The following SF3A1 variants were observed in gnomAD, a reference collection of about 807,000 sequenced individuals.
The protein encoded by SF3A1 is SAP 114.
In SF3A1, 13 loss-of-function variants were observed where a neutral mutation model predicts 89.9. That is an observed-to-expected ratio of 0.14 (90% CI 0.09 to 0.23). SF3A1 has a LOEUF of 0.23. SF3A1 is among the 10% of genes least tolerant of loss of function. The probability of loss-of-function intolerance (pLI) is 1.00; values close to 1 mark genes in which losing one functional copy is unlikely to be tolerated. For missense variants in SF3A1, 604 were observed against 1,022.1 expected (o/e 0.59, Z 5.58); for synonymous variants, 405 against 374.4 (o/e 1.08, Z -0.94).
At chr22:30,350,304 T>TAAAAAAAAAAAAAAAAAA (rs567383762) in intron 2 of SF3A1, among the ~76,000 whole-genome samples, 2 of 135,168 alleles carry the variant, frequency 1.5e-5, no homozygotes, top group Admixed American at 7.7e-5. Context: ...ACAAAAAAAC[T>TAAAAAAAAAAAAAAAAAA]AAAAAAAATA....
In SF3A1 at chr22:30,337,071, T is replaced by C. The variant is rs148707660; in HGVS notation, c.2061A>G (p.Thr687=). The change falls in exon 13 of 16, where the codon ACA becomes ACG. Residue 687 remains threonine, a synonymous_variant. Coordinates refer to ENST00000215793, the MANE Select transcript of SF3A1 (RefSeq NM_005877.6). Reference sequence around the variant, plus strand: ...CCTCCTCTGGCATGAGGCTGTCCTCTGTCTTCAGTTTTTTGGAGGTGGGCT... The same window carrying C: ...CCTCCTCTGGCATGAGGCTGTCCTCCGTCTTCAGTTTTTTGGAGGTGGGCT... ...EDEPTSKKLK[T]EDSLMPEEEF... The C allele has an allele frequency of 1.9e-6, 3 of 1,614,082 alleles. No homozygotes were observed. In the African/African-American group the frequency reaches 4.0e-5, roughly 22 times the overall value.
chr22:30,333,869 G>C lies in SF3A1; in HGVS notation c.*725C>G, dbSNP rs992438012. 1 of 152,206 alleles carries C rather than the reference G, an allele frequency of 6.6e-6. No individual in the cohort carries two copies. The highest frequency in any genetic ancestry group is 1.5e-5 in the Non-Finnish European group (1 of 68,054). 9.4% of individuals were successfully genotyped at this position (152,206 alleles called of 1,614,324 possible). On this transcript the variant is annotated 3_prime_UTR_variant, in exon 16 of 16. Coordinates refer to ENST00000215793, the MANE Select transcript of SF3A1 (RefSeq NM_005877.6). Reference sequence around the variant, plus strand: ...ACAGAGCCAATCAATCAGGTGATGAGTGATTCCAGGCCAGCAGGAAACCAC... The same window carrying C: ...ACAGAGCCAATCAATCAGGTGATGACTGATTCCAGGCCAGCAGGAAACCAC...
At chr22:30,347,253 T>C (rs1931449203) in intron 2 of SF3A1, among the ~76,000 whole-genome samples, 1 of 152,184 alleles carries the variant, frequency 6.6e-6, no homozygotes, top group South Asian at 2.1e-4. Flanking sequence ...GCTAGAATCG[T>C]GTCACCGTAT....
At chr22:30,345,849 G>A (rs748668151) in intron 3 of SF3A1, among the ~76,000 whole-genome samples, 1 of 152,138 alleles carries the variant, frequency 6.6e-6, no homozygotes, top group Non-Finnish European at 1.5e-5. Context: ...TCAGCACAGG[G>A]AAGGTGGTAT....
chr22:30,340,508 G>T, intron 8 of SF3A1, 127 bp from the exon 9 acceptor site: 1 of 1,019,040 alleles, frequency 9.8e-7, no homozygotes, highest in Non-Finnish European at 1.5e-6. Flanking sequence ...CTGGCACTGT[G>T]AAAGGCACTA....
chr22:30,356,681 C>G (rs1304629341), intron 1 of SF3A1, 49 bp downstream of exon 1: 2 of 1,362,638 alleles, frequency 1.5e-6, no homozygotes, highest in African/African-American at 1.5e-5. Context: ...GAGTAAGGAG[C>G]GCCCAGGCCA....
intron 11 of SF3A1, 80 bp from the exon 12 acceptor site, chr22:30,337,977 T>A (rs775061412): frequency 7.0e-5 from 70 of 995,862 alleles, no homozygotes; most frequent in Non-Finnish European, 1.0e-4. Flanking sequence ...ACTGGCTGCC[T>A]GCAGCTCTGA....
chr22:30,346,175 G>T lies in SF3A1; in HGVS notation c.393+137C>A, dbSNP rs1931412304. 7 of 683,770 alleles carry T rather than the reference G, an allele frequency of 1.0e-5. No individual in the cohort carries two copies. In the East Asian group the frequency reaches 1.8e-4, roughly 17 times the overall value. 42.4% of individuals were successfully genotyped at this position (683,770 alleles called of 1,614,324 possible). ...TACTTTGCTGTCTGGGCCTCGGTCT[G>T]CCTCTGAGAGATGGGGATAACGACC... On this transcript the variant is annotated intron_variant, in intron 3 of 15. Coordinates refer to ENST00000215793, the MANE Select transcript of SF3A1 (RefSeq NM_005877.6).
intron 11 of SF3A1, 112 bp from the exon 12 acceptor site, chr22:30,338,009 G>A (rs1044448966): frequency 2.4e-5 from 19 of 778,026 alleles, no homozygotes; most frequent in Admixed American, 4.0e-5. Context: ...AGACAACTAC[G>A]TCCTGGCCCC....
In SF3A1 at chr22:30,345,972, G is replaced by GCTGCCCTCACATCACGGCA. The variant is rs1931405553; in HGVS notation, c.393+321_393+339dup. On this transcript the variant is annotated intron_variant, in intron 3 of 15. Coordinates refer to ENST00000215793, the MANE Select transcript of SF3A1 (RefSeq NM_005877.6). The stretch of plus-strand genomic sequence containing the variant: ...CCTTCAGCACAGCCAAGTAGGAAGT[G>GCTGCCCTCACATCACGGCA]CTGCCCTCACATCACGGCACTGCCC... Among the ~76,000 whole-genome samples, 6 of 152,232 alleles carry GCTGCCCTCACATCACGGCA rather than the reference G, an allele frequency of 3.9e-5. No homozygotes were observed. In the South Asian group the frequency reaches 1.2e-3, roughly 32 times the overall value.
chr22:30,350,853 A>G (rs1282522686), intron 2 of SF3A1, among the ~76,000 whole-genome samples: 2 of 152,250 alleles, frequency 1.3e-5, no homozygotes, highest in African/African-American at 4.8e-5. Context: ...TTAAACATTT[A>G]TCTTAAACAC....
chr22:30,337,047 C>G lies in SF3A1; in HGVS notation c.2085G>C (p.Glu695Asp), dbSNP rs1931088203. 6.2e-7 allele frequency: 1 copy of G among 1,614,094 alleles called. No homozygotes were observed. Among genetic ancestry groups the G allele is most frequent in the Non-Finnish European group, 8.5e-7 (1 of 1,180,050 alleles). ...LKTEDSLMPEEEFLRRNKGPV... is the reference protein window; with the variant it reads ...LKTEDSLMPEDEFLRRNKGPV... ...ATACCTTGTTTCTGCGCAGGAACTC[C>G]TCCTCTGGCATGAGGCTGTCCTCTG... The change falls in exon 13 of 16, where the codon GAG becomes GAC. Residue 695 changes from glutamate to aspartate, a missense_variant. By Grantham distance (45) the Glu-to-Asp change is conservative (BLOSUM62 2). Coordinates refer to ENST00000215793, the MANE Select transcript of SF3A1 (RefSeq NM_005877.6).
Position 30,353,091 on chromosome 22 carries a change from A to C in SF3A1, c.64-19T>G. On this transcript the variant is annotated intron_variant, in intron 1 of 15. Coordinates refer to ENST00000215793, the MANE Select transcript of SF3A1 (RefSeq NM_005877.6). ...CTGTGGGCTGTGCAAACAGGAAAAG[A>C]AATAAGGTTTTAAAGTCCCTGGTTC... 2 of 1,613,242 alleles carry C rather than the reference A, an allele frequency of 1.2e-6. No homozygotes were observed. The highest frequency in any genetic ancestry group is 2.7e-5 in the African/African-American group (2 of 75,038).
chr22:30,354,677 C>T (rs757523641), intron 1 of SF3A1, among the ~76,000 whole-genome samples: 6 of 152,202 alleles, frequency 3.9e-5, no homozygotes, highest in Non-Finnish European at 8.8e-5. Flanking sequence ...TCATCTCTAA[C>T]CTCTTTCCTC....
In SF3A1 at chr22:30,342,879, T is replaced by G. The variant is rs201239547; in HGVS notation, c.652A>C (p.Ile218Leu). The change falls in exon 5 of 16, where the codon ATC becomes CTC. Residue 218 changes from isoleucine to leucine, a missense_variant and splice_region_variant. Physicochemically the swap from Ile to Leu is conservative, Grantham distance 5 (BLOSUM62 2). Around this residue, in one of 9 missense-constraint regions of SF3A1, gnomAD observed 162 missense variants for 229.2 expected, o/e 0.71. Coordinates refer to ENST00000215793, the MANE Select transcript of SF3A1 (RefSeq NM_005877.6). ...AATAAACCTTTGGGTGGAATCAAGA[T>G]CTGAAATACAGAAGAGTTAAAGCAA... ...FTKLVEQYTKILIPPKGLFSK... is the reference protein window; with the variant it reads ...FTKLVEQYTKLLIPPKGLFSK... 2 of 1,606,304 alleles carry G rather than the reference T, an allele frequency of 1.2e-6. No individual in the cohort carries two copies. Among genetic ancestry groups the G allele is most frequent in the Non-Finnish European group, 1.7e-6 (2 of 1,173,808 alleles).
At position 30,345,161 on chromosome 22, in the gene SF3A1, G is replaced by A. The variant is rs201572531; in HGVS notation, c.423C>T (p.Ile141=). 7.4e-6 allele frequency: 12 copies of A among 1,614,028 alleles called. No individual in the cohort carries two copies. The East Asian group carries it at 2.2e-4, about 30-fold the overall frequency. Residue 141 remains isoleucine (I), a synonymous_variant, in exon 4 of 16, where the codon ATC becomes ATT. Coordinates refer to ENST00000215793, the MANE Select transcript of SF3A1 (RefSeq NM_005877.6). ...ACTCAGGAGGAGGCTCTTTGGGCAC[G>A]ATGGTCTCTTGGATTACTTGGGCTT... The part of the protein sequence containing the change: ...KVQAQVIQET[I]VPKEPPPEFE...
intron 5 of SF3A1, 81 bp from the exon 6 acceptor site, chr22:30,342,431 C>G: frequency 6.8e-7 from 1 of 1,463,482 alleles, no homozygotes; most frequent in Admixed American, 2.1e-5. Flanking sequence ...GGGCTTTCAT[C>G]AAAGTCAGCG....
chr22:30,356,860 C>G lies in SF3A1; in HGVS notation c.-68G>C, dbSNP rs910460888. The G allele has an allele frequency of 6.0e-5, 74 of 1,235,994 alleles. No homozygotes were observed. In the African/African-American group the frequency reaches 1.0e-3, roughly 17 times the overall value. The allele number at this position is 1,235,994 out of a possible 1,614,324, so 76.6% of individuals were successfully genotyped here. On this transcript the variant is annotated 5_prime_UTR_variant, in exon 1 of 16. Transcript: ENST00000215793. ...AGCGGTGCCGCCTCAAGACAGCCTC[C>G]CCGCTCGGTCAGTACGACGAGCTCG...
At chr22:30,354,626 T>C (rs1223619270) in intron 1 of SF3A1, among the ~76,000 whole-genome samples, 1 of 152,202 alleles carries the variant, frequency 6.6e-6, no homozygotes, top group African/African-American at 2.4e-5. Flanking sequence ...AACACTCTTG[T>C]GTACTAAACA....
Sources: gnomAD v4.1 joint callset for allele counts (sites outside exome capture counted in the v4.1 genomes callset) on GRCh38, gnomAD v4.1.1 for gene constraint, gnomAD v4.1.1 regional missense constraint, MANE v1.5 for transcripts, NCBI Gene and HGNC (gene_info 2026-07-23, HGNC 2026-07-21) for gene names.